ADK: variants seen among roughly 807,000 people sequenced by gnomAD.
The protein encoded by ADK is N6,N6-dimethyladenosine kinase.
Under a neutral mutation model 44.7 loss-of-function variants are expected in ADK, and 24 were observed. The ratio of observed to expected loss-of-function variants is 0.54; its 90% CI spans 0.39 to 0.76. The LOEUF is 0.76. ADK is among the 30% of genes least tolerant of loss of function. The probability of loss-of-function intolerance (pLI) is 0.00; values close to 1 mark genes in which losing one functional copy is unlikely to be tolerated. For synonymous variants in ADK, 128 were observed against 142.6 expected (o/e 0.90, Z 0.73); for missense variants, 321 against 425.1 (o/e 0.76, Z 2.15).
chr10:74,546,393 A>G lies in ADK; in HGVS notation c.726+20967A>G, dbSNP rs558933415. Among the ~76,000 whole-genome samples, 7 of 152,206 alleles carry G rather than the reference A, an allele frequency of 4.6e-5. No individual in the cohort carries two copies. The East Asian group carries it at 1.4e-3, about 29-fold the overall frequency. ...ATAGGCCTTTTCTAGAAATATTCTC[A>G]TCTCTGTTTTTTTTAGTTGCTCTTA... On this transcript the variant is annotated intron_variant, in intron 7 of 10. Coordinates refer to ENST00000539909, the MANE Select transcript of ADK (RefSeq NM_006721.4).
chr10:74,487,499 G>A (rs376753976), intron 6 of ADK, among the ~76,000 whole-genome samples: 1 of 149,550 alleles, frequency 6.7e-6, no homozygotes, highest in African/African-American at 2.5e-5. Flanking sequence ...AGATGAGGAT[G>A]GTAGAATTTG....
At chr10:74,693,264 T>C (rs2134272530) in intron 10 of ADK, among the ~76,000 whole-genome samples, 1 of 152,262 alleles carries the variant, frequency 6.6e-6, no homozygotes, top group East Asian at 1.9e-4. Flanking sequence ...TGAGGGAAGA[T>C]TTGGGAACTC....
chr10:74,172,661 C>T (rs1842196341), intron 1 of ADK, among the ~76,000 whole-genome samples: 1 of 144,594 alleles, frequency 6.9e-6, no homozygotes, highest in Non-Finnish European at 1.5e-5. Context: ...TGCACCCCAG[C>T]CTGGGCAACA....
chr10:74,547,808 G>A (rs915120713), intron 7 of ADK, among the ~76,000 whole-genome samples: 5 of 152,132 alleles, frequency 3.3e-5, no homozygotes, highest in Non-Finnish European at 5.9e-5. Flanking sequence ...ACAGGCATGT[G>A]CCACAACATC....
intron 4 of ADK, among the ~76,000 whole-genome samples, chr10:74,365,329 C>G (rs953083953): frequency 6.6e-6 from 1 of 152,104 alleles, no homozygotes; most frequent in Non-Finnish European, 1.5e-5. Context: ...TTTCTGTGTC[C>G]GTGGGTTTAC....
chr10:74,407,539 G>C (rs1843993459), intron 6 of ADK, among the ~76,000 whole-genome samples: 1 of 151,904 alleles, frequency 6.6e-6, no homozygotes, highest in Non-Finnish European at 1.5e-5. Context: ...CTGATTACCT[G>C]GGTATTCATT....
chr10:74,571,407 C>T (rs1850955064), intron 7 of ADK, among the ~76,000 whole-genome samples: 1 of 152,132 alleles, frequency 6.6e-6, no homozygotes, highest in African/African-American at 2.4e-5. Context: ...AGCTGTGAAT[C>T]CATCTGGTCC....
At chr10:74,636,456 A>G (rs1394534619) in intron 9 of ADK, among the ~76,000 whole-genome samples, 2 of 152,190 alleles carry the variant, frequency 1.3e-5, no homozygotes, top group Non-Finnish European at 1.5e-5. Flanking sequence ...ACTATTATCA[A>G]ACGGATCAAT....
At position 74,153,043 on chromosome 10, in the gene ADK, A is replaced by G. The variant is rs186481147; in HGVS notation, c.65+1700A>G. On this transcript the variant is annotated intron_variant, in intron 1 of 10. Transcript: ENST00000539909. ...GTGTGATAATGCATTGAGTATTTAC[A>G]CTGAATTTATGATGACTTGCTTGAC... Among the ~76,000 whole-genome samples the G allele has an allele frequency of 7.0e-5, 10 of 143,616 alleles. No individual in the cohort carries two copies. The East Asian group carries it at 2.0e-3, about 28-fold the overall frequency. 94.2% of individuals were successfully genotyped at this position (143,616 alleles called of 152,430 possible). A position where few individuals can be genotyped will look rare whatever the true frequency, so the allele number is the denominator to read the frequency against.
chr10:74,521,251 G>T (rs1848822105), intron 6 of ADK, among the ~76,000 whole-genome samples: 1 of 152,090 alleles, frequency 6.6e-6, no homozygotes, highest in African/African-American at 2.4e-5. Context: ...TTCAAAAATA[G>T]AATTTAAATA....
At chr10:74,291,514 A>T (rs1301233134) in intron 3 of ADK, among the ~76,000 whole-genome samples, 1 of 152,316 alleles carries the variant, frequency 6.6e-6, no homozygotes, top group East Asian at 1.9e-4. Context: ...ATAGATTGTT[A>T]TGAGTTATAG....
intron 6 of ADK, among the ~76,000 whole-genome samples, chr10:74,483,267 G>C (rs760558163): frequency 6.6e-6 from 1 of 152,206 alleles, no homozygotes; most frequent in Non-Finnish European, 1.5e-5. Flanking sequence ...ACCCTCTGGA[G>C]CAGTGGCCTG....
At position 74,260,054 on chromosome 10, in the gene ADK, TA is replaced by T. The variant is rs994537647; in HGVS notation, c.194+35474del. On this transcript the variant is annotated intron_variant, in intron 3 of 10. Transcript: ENST00000539909. ...CTGACCCATTATAGCTTTGGCCATT[TA>T]AAAAAAAAAACCTTCAAAGGTAATA... Among the ~76,000 whole-genome samples the T allele has an allele frequency of 5.4e-3, 785 of 145,960 alleles. 4 individuals carry two copies. Among genetic ancestry groups the T allele is most frequent in the African/African-American group, 0.018 (706 of 40,048 alleles).
chr10:74,549,794 T>C (rs997766454), intron 7 of ADK, among the ~76,000 whole-genome samples: 2 of 152,196 alleles, frequency 1.3e-5, no homozygotes, highest in African/African-American at 2.4e-5. Context: ...TCCCCTATTG[T>C]TTCATGTATG....
Position 74,560,096 on chromosome 10 carries a change from A to T in ADK, c.727-29186A>T, listed in dbSNP as rs569213897. Reference sequence around the variant, plus strand: ...CATGCCCAGATAATTTTTTTAAAAAATTTTTTTGTAGAAAAAGGACCTATG... The same window carrying T: ...CATGCCCAGATAATTTTTTTAAAAATTTTTTTTGTAGAAAAAGGACCTATG... On this transcript the variant is annotated intron_variant, in intron 7 of 10. Coordinates refer to ENST00000539909, the MANE Select transcript of ADK (RefSeq NM_006721.4). Among the ~76,000 whole-genome samples the T allele has an allele frequency of 4.9e-4, 74 of 152,010 alleles. 2 individuals are homozygous for T. Among genetic ancestry groups the T allele is most frequent in the Middle Eastern group, 6.8e-3 (2 of 294 alleles).
At chr10:74,655,814 G>A in intron 9 of ADK, 1 of 511,610 alleles carries the variant, frequency 2.0e-6, no homozygotes, top group South Asian at 1.8e-5. Flanking sequence ...CAGAGGTACA[G>A]GGCAAGGACA....
chr10:74,647,849 T>G (rs1475226450), intron 9 of ADK, among the ~76,000 whole-genome samples: 1 of 152,168 alleles, frequency 6.6e-6, no homozygotes, highest in Non-Finnish European at 1.5e-5. Context: ...ACAGCTATAA[T>G]TAAGTAAGCT....
chr10:74,703,931 T>C (rs1246501343), intron 10 of ADK, among the ~76,000 whole-genome samples: 1 of 152,230 alleles, frequency 6.6e-6, no homozygotes, highest in East Asian at 1.9e-4. Context: ...GTAGATGATA[T>C]GCAGATGCTT....
chr10:74,530,451 A>C (rs946377785), intron 7 of ADK: 1 of 152,178 alleles, frequency 6.6e-6, no homozygotes, highest in Non-Finnish European at 1.5e-5. Context: ...AGGATTGTAC[A>C]GTAGTAATGA....
Sources: allele counts gnomAD v4.1 joint callset (sites outside exome capture counted in the v4.1 genomes callset), GRCh38; gene constraint gnomAD v4.1.1; transcripts MANE v1.5; gene names NCBI Gene and HGNC (gene_info 2026-07-23, HGNC 2026-07-21).